Variants in KPNA2 observed in about 807,000 individuals in gnomAD.
KPNA2 encodes the protein karyopherin subunit alpha 2.
KPNA2 carries 20 observed loss-of-function variants against 53.7 expected under a neutral mutation model. The observed-to-expected ratio is 0.37, with a 90% CI of 0.26 to 0.54. The LOEUF is 0.54. Among genes scored for constraint, KPNA2 ranks in the 20% least tolerant of loss-of-function variants. The probability of loss-of-function intolerance (pLI) is 0.83; values close to 1 mark genes in which losing one functional copy is unlikely to be tolerated. For synonymous variants in KPNA2, 238 were observed against 227.5 expected (o/e 1.05, Z -0.42); for missense variants, 515 against 640.3 (o/e 0.80, Z 2.11).
At chr17:68,037,285 TAAAAA>T in intron 2 of KPNA2, 68 bp from the exon 3 acceptor site, 1 of 1,431,832 alleles carries the variant, frequency 7.0e-7, no homozygotes, top group Non-Finnish European at 9.5e-7. Flanking sequence ...CTGAGGTATT[TAAAAA>T]AAAAATGCCC....
Position 68,043,089 on chromosome 17 carries a change from T to C in KPNA2, c.667-11T>C, listed in dbSNP as rs1568277108. ...GACAGAACCTCTCATTGCCTATTTTTTTTCCCCCAGTGTGGCTACTTACGT... is the reference window on the plus strand; with the variant it reads ...GACAGAACCTCTCATTGCCTATTTTCTTTCCCCCAGTGTGGCTACTTACGT... On this transcript the variant is annotated splice_polypyrimidine_tract_variant and intron_variant, in intron 6 of 10. Coordinates refer to ENST00000330459, the MANE Select transcript of KPNA2 (RefSeq NM_002266.4). The C allele has an allele frequency of 6.2e-7, 1 of 1,613,874 alleles. No individual in the cohort carries two copies. The highest frequency in any genetic ancestry group is 8.5e-7 in the Non-Finnish European group (1 of 1,179,846).
chr17:68,039,174 G>A (rs991236563), intron 3 of KPNA2, among the ~76,000 whole-genome samples: 7 of 151,708 alleles, frequency 4.6e-5, no homozygotes, highest in South Asian at 2.1e-4. Context: ...AGGCTGGAGT[G>A]CAGTGGTACG....
chr17:68,042,857 C>G (rs1430093611), intron 5 of KPNA2, 48 bp from the exon 6 acceptor site: 2 of 1,343,370 alleles, frequency 1.5e-6, no homozygotes, highest in South Asian at 1.2e-5. Context: ...GAGAGAAACT[C>G]CGTCTCAAAA....
Position 68,042,063 on chromosome 17 carries a change from TTC to T in KPNA2, c.303-18_303-17del, listed in dbSNP as rs1599141397. The T allele has an allele frequency of 6.3e-7, 1 of 1,586,936 alleles. No individual in the cohort carries two copies. Among genetic ancestry groups the T allele is most frequent in the African/African-American group, 1.3e-5 (1 of 74,146 alleles). ...TTTGTTAATCACTGTCAACTTTTATTTCTCTTTTTGTTCCCCTTTAGGAAACT... is the reference window on the plus strand; with the variant it reads ...TTTGTTAATCACTGTCAACTTTTATTTCTTTTTGTTCCCCTTTAGGAAACT... On this transcript the variant is annotated intron_variant, in intron 4 of 10. Transcript: ENST00000330459.
At chr17:68,037,307 A>C (rs782773410) in intron 2 of KPNA2, 51 bp from the exon 3 acceptor site, 1 of 1,592,258 alleles carries the variant, frequency 6.3e-7, no homozygotes, top group Non-Finnish European at 8.5e-7. Context: ...GCCCTCACTT[A>C]GCAACAAAAA....
At chr17:68,043,054 C>A in intron 6 of KPNA2, 46 bp from the exon 7 acceptor site, 1 of 1,613,032 alleles carries the variant, frequency 6.2e-7, no homozygotes, top group East Asian at 2.2e-5. Flanking sequence ...TTTCCCCCAT[C>A]TTCTCAAAAG....
intron 9 of KPNA2, 127 bp from the exon 10 acceptor site, chr17:68,045,645 G>A: frequency 1.5e-6 from 1 of 686,282 alleles, no homozygotes; most frequent in Non-Finnish European, 2.4e-6. Flanking sequence ...AACTATGATA[G>A]GCTTGATGAA....
At position 68,040,777 on chromosome 17, in the gene KPNA2, T is replaced by C; in HGVS notation, c.302+11T>C. ...TACTCAAGCTGCCAGGTAAGTCTTGTCTGCGATAGCATGGGTAGCCTAAGA... is the reference window on the plus strand; with the variant it reads ...TACTCAAGCTGCCAGGTAAGTCTTGCCTGCGATAGCATGGGTAGCCTAAGA... On this transcript the variant is annotated intron_variant, in intron 4 of 10. Coordinates refer to ENST00000330459, the MANE Select transcript of KPNA2 (RefSeq NM_002266.4). The C allele has an allele frequency of 6.5e-7, 1 of 1,529,246 alleles. No homozygotes were observed. Among genetic ancestry groups the C allele is most frequent in the East Asian group, 2.3e-5 (1 of 42,646 alleles). 94.7% of individuals were successfully genotyped at this position (1,529,246 alleles called of 1,614,324 possible).
Position 68,044,477 on chromosome 17 carries a change from C to G in KPNA2, c.1321C>G (p.Leu441Val), listed in dbSNP as rs1232939191. The G allele has an allele frequency of 1.9e-6, 3 of 1,613,454 alleles. No homozygotes were observed. Among genetic ancestry groups the G allele is most frequent in the Non-Finnish European group, 2.5e-6 (3 of 1,179,782 alleles). The change falls in exon 9 of 11, where the codon CTG becomes GTG. Residue 441 changes from leucine to valine, a missense_variant. Leu to Val is a conservative substitution (Grantham distance 32, BLOSUM62 1). Coordinates refer to ENST00000330459, the MANE Select transcript of KPNA2 (RefSeq NM_002266.4). ...AKDTKIILVI[L>V]DAISNIFQAA... ...AGATACCAAGATTATTCTGGTTATC[C>G]TGGATGCCATTTCAAATATCTTTCA... is the stretch of plus-strand genomic sequence containing the variant.
chr17:68,040,260 A>ATTTTTTTTTTTTTT (rs782418464), intron 3 of KPNA2, among the ~76,000 whole-genome samples: 4 of 117,966 alleles, frequency 3.4e-5, no homozygotes, highest in African/African-American at 3.3e-5. Context: ...ATGCCTGGAT[A>ATTTTTTTTTTTTTT]TTTTTTTTTT....
intron 4 of KPNA2, among the ~76,000 whole-genome samples, chr17:68,041,091 G>A (rs1467393245): frequency 6.6e-6 from 1 of 152,268 alleles, no homozygotes; most frequent in African/African-American, 2.4e-5. Flanking sequence ...GGGGAAGGAA[G>A]AAATAAATAG....
At position 68,040,722 on chromosome 17, in the gene KPNA2, T is replaced by G. The variant is rs1445573745; in HGVS notation, c.258T>G (p.Asn86Lys). ...WSVDDIVKGI[N>K]SSNVENQLQA... The stretch of plus-strand genomic sequence containing the variant: ...TTGATGACATTGTCAAAGGCATAAA[T>G]AGCAGCAATGTGGAAAATCAGCTCC... Residue 86 changes from asparagine to lysine, a missense_variant, in exon 4 of 11, where the codon AAT becomes AAG. Asn to Lys is a moderately conservative substitution (Grantham distance 94, BLOSUM62 0). Coordinates refer to ENST00000330459, the MANE Select transcript of KPNA2 (RefSeq NM_002266.4). 2 of 1,613,690 alleles carry G rather than the reference T, an allele frequency of 1.2e-6. No homozygotes were observed. The highest frequency in any genetic ancestry group is 2.7e-5 in the African/African-American group (2 of 74,918).
intron 7 of KPNA2, 108 bp from the exon 8 acceptor site, chr17:68,043,730 T>G: frequency 1.4e-6 from 1 of 708,744 alleles, no homozygotes. Flanking sequence ...TATTGAAATA[T>G]TGCCTATTTC....
chr17:68,043,770 T>C, intron 7 of KPNA2, 68 bp from the exon 8 acceptor site: 5 of 974,148 alleles, frequency 5.1e-6, no homozygotes, highest in South Asian at 1.4e-5. Context: ...GTTAAAACTT[T>C]TAGGGTATAG....
rs782381351 is a variant in KPNA2, at chr17:68,043,999, C to T, written c.1092C>T (p.Ala364=). 3.0e-5 allele frequency: 48 copies of T among 1,613,812 alleles called. No homozygotes were observed. The Middle Eastern group carries it at 4.9e-4, about 17-fold the overall frequency. ...EATWTMSNIT[A]GRQDQIQQVV... is the part of the protein sequence containing the mutation. ...CGTGGACAATGTCAAACATCACAGCCGGCCGCCAGGACCAGATACAGCAAG... is the reference window on the plus strand; with the variant it reads ...CGTGGACAATGTCAAACATCACAGCTGGCCGCCAGGACCAGATACAGCAAG... Residue 364 remains alanine, a synonymous_variant, in exon 8 of 11, where the codon GCC becomes GCT. Transcript: ENST00000330459.
rs368573898 is a variant in KPNA2, at chr17:68,040,781, C to A, written c.302+15C>A. 3 of 1,542,822 alleles carry A rather than the reference C, an allele frequency of 1.9e-6. No individual in the cohort carries two copies. The highest frequency in any genetic ancestry group is 1.1e-5 in the South Asian group (1 of 89,268). On this transcript the variant is annotated intron_variant, in intron 4 of 10. Coordinates refer to ENST00000330459, the MANE Select transcript of KPNA2 (RefSeq NM_002266.4). ...CAAGCTGCCAGGTAAGTCTTGTCTG[C>A]GATAGCATGGGTAGCCTAAGAAATT...
chr17:68,045,613 A>G lies in KPNA2; in HGVS notation c.1348-159A>G, dbSNP rs2071319031. The G allele has an allele frequency of 8.8e-6, 5 of 569,630 alleles. No individual in the cohort carries two copies. In the East Asian group the frequency reaches 1.1e-4, roughly 12 times the overall value. The allele number at this position is 569,630 out of a possible 1,614,324, so 35.3% of individuals were successfully genotyped here. ...ACAGATCCAATCACATTGAGTGTCA[A>G]CAAAATATAAAATGGACATAAAACT... On this transcript the variant is annotated intron_variant, in intron 9 of 10. Transcript: ENST00000330459.
chr17:68,040,637 T>G, intron 3 of KPNA2, 41 bp from the exon 4 acceptor site: 1 of 1,325,686 alleles, frequency 7.5e-7, no homozygotes, highest in Non-Finnish European at 1.1e-6. Context: ...TGTTTGTATT[T>G]AATCTTAATG....
Position 68,046,803 on chromosome 17 carries a change from T to C in KPNA2, c.*207T>C. On this transcript the variant is annotated 3_prime_UTR_variant, in exon 11 of 11. Transcript: ENST00000330459. ...TCTAATTTCTATGTGGAATTTCCTA[T>C]CTTGCAGCATCCTGTAAATAAACAT... is the stretch of plus-strand genomic sequence containing the variant. The C allele has an allele frequency of 4.9e-6, 2 of 405,664 alleles. No homozygotes were observed. The highest frequency in any genetic ancestry group is 9.0e-5 in the South Asian group (2 of 22,332). The allele number at this position is 405,664 out of a possible 1,614,324, so 25.1% of individuals were successfully genotyped here. A position where few individuals can be genotyped will look rare whatever the true frequency, so the allele number is the denominator to read the frequency against.
Sources: gnomAD v4.1 joint callset for allele counts (sites outside exome capture counted in the v4.1 genomes callset) on GRCh38, gnomAD v4.1.1 for gene constraint, MANE v1.5 for transcripts, NCBI Gene and HGNC (gene_info 2026-07-23, HGNC 2026-07-21) for gene names.